TSPAN1: variants seen among roughly 807,000 people sequenced by gnomAD.
The protein encoded by TSPAN1 is tetraspanin 1.
A neutral mutation model predicts 26.9 loss-of-function variants in TSPAN1; 23 were observed. The observed-to-expected ratio is 0.85, with a 90% confidence interval of 0.62 to 1.21. TSPAN1 has a LOEUF of 1.21. Among genes scored for constraint, TSPAN1 ranks in the 50% most tolerant of loss-of-function variants. TSPAN1 has a pLI of 0.00. For missense variants in TSPAN1, 283 were observed against 298.4 expected, an observed-to-expected ratio of 0.95 and a Z score of 0.38; for synonymous variants, 115 against 114.8, an observed-to-expected ratio of 1.00 and a Z score of -0.01.
chr1:46,195,905 C>T, the TSPAN1 span: 58 of 1,613,876 alleles, frequency 3.6e-5, no homozygotes, highest in African/African-American at 5.3e-5. Flanking sequence ...GTCAAACACA[C>T]GTTTTGCCAT....
chr1:46,195,947 T>TG, the TSPAN1 span: 1 of 1,614,104 alleles, frequency 6.2e-7, no homozygotes, highest in Non-Finnish European at 8.5e-7. Context: ...ATACTTCTGG[T>TG]GAGTTGGTGT....
Position 46,185,231 on chromosome 1 carries a change from T to C in TSPAN1, c.601T>C (p.Phe201Leu). Residue 201 changes from phenylalanine (F) to leucine (L), a missense_variant, in exon 8 of 9, where the codon TTC (phenylalanine) becomes CTC (leucine). Physicochemically the swap from Phe to Leu is conservative, Grantham distance 22 (BLOSUM62 0). Coordinates refer to ENST00000372003, the MANE Select transcript of TSPAN1 (RefSeq NM_005727.4). ...CTCTTTTCTCTTCCTGAAGGGTTGCTTCAATCAGCTTTTGTATGACATCCG... is the reference window on the plus strand; with the variant it reads ...CTCTTTTCTCTTCCTGAAGGGTTGCCTCAATCAGCTTTTGTATGACATCCG... ...KAHDQKVEGC[F>L]NQLLYDIRTN... 6.2e-7 allele frequency: 1 copy of C among 1,614,196 alleles called. No individual in the cohort carries two copies. Among genetic ancestry groups the C allele is most frequent in the Admixed American group, 1.7e-5 (1 of 60,026 alleles).
the TSPAN1 span, chr1:46,196,099 G>C: frequency 6.2e-7 from 1 of 1,613,802 alleles, no homozygotes; most frequent in South Asian, 1.1e-5. The surrounding 1 kb of genome is among the most constrained non-coding windows in gnomAD (Gnocchi z 4.4). Flanking sequence ...CAGAGACAAA[G>C]TCCAGCTTTT....
intron 1 of TSPAN1, chr1:46,176,275 T>A: frequency 6.5e-7 from 1 of 1,535,774 alleles, no homozygotes; most frequent in South Asian, 1.2e-5. Context: ...GTGGGTGTTG[T>A]TGATACCCAT....
At chr1:46,176,402 T>C (rs1462467499) in intron 1 of TSPAN1, 1 of 1,535,758 alleles carries the variant, frequency 6.5e-7, no homozygotes, top group Admixed American at 2.0e-5. Context: ...GGCCAGCCCA[T>C]ACCTGGCCTG....
downstream of TSPAN1, among the ~76,000 whole-genome samples, chr1:46,188,247 C>T (rs780323801): frequency 3.3e-5 from 5 of 152,186 alleles, no homozygotes; most frequent in Admixed American, 6.5e-5. Flanking sequence ...CACCCTAGCC[C>T]GTCTCTTGAA....
At chr1:46,179,600 C>T (rs1201334043) in intron 1 of TSPAN1, among the ~76,000 whole-genome samples, 1 of 152,182 alleles carries the variant, frequency 6.6e-6, no homozygotes, top group Non-Finnish European at 1.5e-5. Flanking sequence ...GACTTTTCCC[C>T]CGCACCTCTA....
chr1:46,188,686 A>G (rs1247799132), downstream of TSPAN1: 9 of 1,592,646 alleles, frequency 5.7e-6, no homozygotes, highest in Non-Finnish European at 6.9e-6. Context: ...AGACATCCCC[A>G]GAGGGCTTCT....
chr1:46,189,797 G>C, downstream of TSPAN1: 1 of 1,609,370 alleles, frequency 6.2e-7, no homozygotes, highest in African/African-American at 1.3e-5. Flanking sequence ...CTGGATCTTG[G>C]GGCAGTATGT....
At chr1:46,176,318 T>G in intron 1 of TSPAN1, 3 of 1,535,792 alleles carry the variant, frequency 2.0e-6, no homozygotes, top group Non-Finnish European at 2.6e-6. Context: ...GCTGCACTGC[T>G]GGCAGTTCGA....
rs1657387601 is a variant in TSPAN1 at position 46,184,628 on chromosome 1, A to AGGCTGCAGCTGCTGT, written c.301_302insCTGCAGCTGCTGTGG (p.Glu100_Val101insAlaAlaAlaAlaVal). On this transcript the variant is annotated inframe_insertion, in exon 5 of 9. Transcript: ENST00000372003. ...ATCCTCCTCCTCATCTTCATTGCTG[A>AGGCTGCAGCTGCTGT]GGTTGCAGCTGCTGTGGTCGCCTTG... 1 of 1,614,042 alleles carries AGGCTGCAGCTGCTGT rather than the reference A, an allele frequency of 6.2e-7. No homozygotes were observed. Among genetic ancestry groups the AGGCTGCAGCTGCTGT allele is most frequent in the East Asian group, 2.2e-5 (1 of 44,872 alleles).
At chr1:46,184,555 T>C in intron 4 of TSPAN1, 39 bp from the exon 5 acceptor site, 1 of 1,605,190 alleles carries the variant, frequency 6.2e-7, no homozygotes, top group Non-Finnish European at 8.5e-7. Context: ...CATGAGGGAC[T>C]GTCTCTCCCT....
chr1:46,180,767 G>A (rs1482370208), intron 2 of TSPAN1, 109 bp downstream of exon 2: 2 of 344,730 alleles, frequency 5.8e-6, no homozygotes, highest in African/African-American at 2.1e-5. Flanking sequence ...TGGGGTTAGT[G>A]TGGGGGGGAG....
chr1:46,176,459 G>A (rs1395720143), intron 1 of TSPAN1: 10 of 1,535,732 alleles, frequency 6.5e-6, no homozygotes, highest in East Asian at 4.9e-5. Context: ...CGGACAAGCC[G>A]AGATGGCCCC....
chr1:46,195,015 G>A, the TSPAN1 span: 3 of 1,526,514 alleles, frequency 2.0e-6, no homozygotes, highest in Non-Finnish European at 2.7e-6. Flanking sequence ...AGGAGACCTG[G>A]CCTCACAGAG....
chr1:46,180,103 C>A (rs374233794), intron 1 of TSPAN1, among the ~76,000 whole-genome samples: 63 of 152,256 alleles, frequency 4.1e-4, no homozygotes, highest in African/African-American at 1.3e-3. Context: ...TGTGTGCGCA[C>A]GGACGCACAC....
At chr1:46,180,312 A>G (rs1657285248) in intron 1 of TSPAN1, among the ~76,000 whole-genome samples, 1 of 152,214 alleles carries the variant, frequency 6.6e-6, no homozygotes, top group South Asian at 2.1e-4. Flanking sequence ...CATTCTGGGA[A>G]GCCACTTGCC....
At chr1:46,192,369 C>T in the TSPAN1 span, 5 of 1,614,210 alleles carry the variant, frequency 3.1e-6, no homozygotes, top group Non-Finnish European at 4.2e-6. Context: ...CCTGAGCACC[C>T]AGCCCAGCCC....
intron 1 of TSPAN1, among the ~76,000 whole-genome samples, chr1:46,176,803 T>C (rs1657183833): frequency 6.6e-6 from 1 of 152,228 alleles, no homozygotes. Context: ...TGCTGAGCAC[T>C]TTACCAACGT....
Sources: gnomAD v4.1 joint callset for allele counts (sites outside exome capture counted in the v4.1 genomes callset) on GRCh38, gnomAD v4.1.1 for gene constraint, Gnocchi (gnomAD v3.1) non-coding constraint, MANE v1.5 for transcripts, NCBI Gene and HGNC (gene_info 2026-07-23, HGNC 2026-07-21) for gene names.